Variants in PTPRG observed in about 807,000 individuals in gnomAD.
PTPRG encodes receptor-type tyrosine-protein phosphatase gamma.
A neutral mutation model predicts 165.3 loss-of-function variants in PTPRG; 102 were observed. That is an observed-to-expected ratio of 0.62 (90% confidence interval 0.53 to 0.73). The LOEUF is 0.73. Among genes scored for constraint, PTPRG ranks in the 30% least tolerant of loss-of-function variants. PTPRG has a pLI of 0.00. For synonymous variants in PTPRG, 675 were observed against 669.5 expected (o/e 1.01, Z -0.13); for missense variants, 1,866 against 1,861.4 (o/e 1.00, Z -0.05).
intron 2 of PTPRG, among the ~76,000 whole-genome samples, chr3:61,807,318 G>A (rs146889646): frequency 1.1e-4 from 17 of 152,330 alleles, no homozygotes; most frequent in African/African-American, 3.6e-4. Flanking sequence ...AGACGTATAA[G>A]CAGTTGGAGA....
At position 61,850,035 on chromosome 3, in the gene PTPRG, C is replaced by T. The variant is rs574369671; in HGVS notation, c.190+101053C>T. On this transcript the variant is annotated intron_variant, in intron 2 of 29. Transcript: ENST00000474889. ...TTTCCTTGTTTCCTAACCCCAGACC[C>T]TTCTCCCCTTCTTCTCAAATAAAAG... Among the ~76,000 whole-genome samples the T allele has an allele frequency of 1.4e-4, 21 of 152,146 alleles. No individual in the cohort carries two copies. The East Asian group carries it at 3.9e-3, about 28-fold the overall frequency.
chr3:62,065,751 C>A (rs975803200), intron 4 of PTPRG, among the ~76,000 whole-genome samples: 1 of 152,132 alleles, frequency 6.6e-6, no homozygotes, highest in East Asian at 1.9e-4. Context: ...TCCAGAAGAA[C>A]CTTTTGTAAG....
chr3:61,901,220 T>C (rs1358741675), intron 2 of PTPRG, among the ~76,000 whole-genome samples: 1 of 152,264 alleles, frequency 6.6e-6, no homozygotes, highest in Non-Finnish European at 1.5e-5. Flanking sequence ...TATATTTTGC[T>C]ACCATGTCTG....
intron 5 of PTPRG, among the ~76,000 whole-genome samples, chr3:62,130,164 G>A (rs1248698991): frequency 1.3e-5 from 2 of 152,172 alleles, no homozygotes; most frequent in African/African-American, 4.8e-5. Flanking sequence ...AGGCTGGATG[G>A]TCTCAAATGG....
Position 61,796,494 on chromosome 3 carries a change from G to T in PTPRG, c.190+47512G>T, listed in dbSNP as rs142399053. ...CTGAGTGGGCAGAACTTGGTTCCTT[G>T]AGACAGCAGCTGCCTAGGAAGGACA... On this transcript the variant is annotated intron_variant, in intron 2 of 29. Transcript: ENST00000474889. Among the ~76,000 whole-genome samples, 240 of 152,344 alleles carry T rather than the reference G, an allele frequency of 1.6e-3. 5 individuals carry two copies. The East Asian group carries it at 0.04, about 25-fold the overall frequency.
chr3:62,095,439 CAATG>C (rs1702079198), intron 5 of PTPRG, among the ~76,000 whole-genome samples: 1 of 152,172 alleles, frequency 6.6e-6, no homozygotes, highest in Admixed American at 6.5e-5. Context: ...CCTGCGTTCT[CAATG>C]AAAGAAGAGT....
chr3:62,269,057 C>A lies in PTPRG; in HGVS notation c.2897C>A (p.Pro966Gln). 6.3e-7 allele frequency: 1 copy of A among 1,597,674 alleles called. No homozygotes were observed. Among genetic ancestry groups the A allele is most frequent in the South Asian group, 1.1e-5 (1 of 88,964 alleles). ...KGRRKCDQYW[P>Q]TENSEEYGNI... ...CAGCGAAAATGTGATCAGTATTGGC[C>A]AACAGAGAACAGTGAGGAATATGGA... is the stretch of plus-strand genomic sequence containing the variant. The change falls in exon 20 of 30, where the codon CCA becomes CAA. Residue 966 changes from proline to glutamine, a missense_variant. Coordinates refer to ENST00000474889, the MANE Select transcript of PTPRG (RefSeq NM_002841.4).
In PTPRG at chr3:62,295,708, A is replaced by T. The variant is rs1703039251; in HGVS notation, c.*2401A>T. ...AACCAAAGTCTTCATATCCTGACCC[A>T]CTGAATTATAAGCAATTGCTACTTG... On this transcript the variant is annotated 3_prime_UTR_variant, in exon 30 of 30. Transcript: ENST00000474889. 6.6e-6 allele frequency: 1 copy of T among 152,120 alleles called. No homozygotes were observed. Among genetic ancestry groups the T allele is most frequent in the Admixed American group, 6.6e-5 (1 of 15,244 alleles). The allele number at this position is 152,120 out of a possible 1,614,324, so 9.4% of individuals were successfully genotyped here. A position where few individuals can be genotyped will look rare whatever the true frequency, so the allele number is the denominator to read the frequency against.
At position 62,269,114 on chromosome 3, in the gene PTPRG, T is replaced by C; in HGVS notation, c.2954T>C (p.Ile985Thr). The C allele has an allele frequency of 1.9e-6, 3 of 1,609,094 alleles. No individual in the cohort carries two copies. Among genetic ancestry groups the C allele is most frequent in the Non-Finnish European group, 2.6e-6 (3 of 1,176,208 alleles). The change falls in exon 20 of 30, where the codon ATA becomes ACA. Residue 985 changes from isoleucine to threonine, a missense_variant. Physicochemically the swap from Ile to Thr is moderately conservative, Grantham distance 89 (BLOSUM62 -1). Transcript: ENST00000474889. ...ATTGTCACGCTGAAGAGCACAAAAA[T>C]ACATGCCTGCTACACTGTTCGTCGT... ...NIIVTLKSTKIHACYTVRRFS... is the reference protein window; with the variant it reads ...NIIVTLKSTKTHACYTVRRFS...
intron 4 of PTPRG, among the ~76,000 whole-genome samples, chr3:62,062,811 T>C (rs113926773): frequency 8.7e-4 from 132 of 152,208 alleles, no homozygotes; most frequent in Middle Eastern, 3.4e-3. Context: ...CACAGGCATG[T>C]GCCACCATGC....
Position 62,121,003 on chromosome 3 carries a change from G to T in PTPRG, c.616-11599G>T, listed in dbSNP as rs373458789. ...TCTGTCGCCCAGGCTGGAGTGCAGTGGCCCTATCTCGGCTCACTGCAAGCT... is the reference window on the plus strand; with the variant it reads ...TCTGTCGCCCAGGCTGGAGTGCAGTTGCCCTATCTCGGCTCACTGCAAGCT... On this transcript the variant is annotated intron_variant, in intron 5 of 29. Transcript: ENST00000474889. 3.8e-4 allele frequency among the ~76,000 whole-genome samples: 57 copies of T among 151,934 alleles called. No homozygotes were observed. The East Asian group carries it at 0.011, about 30-fold the overall frequency.
chr3:62,123,758 A>ATTT (rs1465867062), intron 5 of PTPRG, among the ~76,000 whole-genome samples: 1 of 152,152 alleles, frequency 6.6e-6, no homozygotes, highest in African/African-American at 2.4e-5. Context: ...ATTTATATAT[A>ATTT]AATATATACA....
intron 1 of PTPRG, among the ~76,000 whole-genome samples, chr3:61,747,774 C>T (rs2033268022): frequency 1.3e-5 from 2 of 152,240 alleles, no homozygotes; most frequent in Non-Finnish European, 2.9e-5. Flanking sequence ...TATACAGCTT[C>T]CCAAAACTTT....
intron 2 of PTPRG, among the ~76,000 whole-genome samples, chr3:61,764,703 T>C (rs1379369544): frequency 6.6e-6 from 1 of 152,184 alleles, no homozygotes; most frequent in Non-Finnish European, 1.5e-5. Flanking sequence ...AAAGGTTCAA[T>C]GTTATACCTT....
intron 2 of PTPRG, among the ~76,000 whole-genome samples, chr3:61,969,157 G>A (rs1348846375): frequency 6.6e-6 from 1 of 152,156 alleles, no homozygotes; most frequent in Non-Finnish European, 1.5e-5. Context: ...CCAACTGCCT[G>A]GCTCAATGAG....
intron 2 of PTPRG, among the ~76,000 whole-genome samples, chr3:61,977,774 G>A (rs115749060): frequency 6.6e-6 from 1 of 152,238 alleles, no homozygotes; most frequent in African/African-American, 2.4e-5. Flanking sequence ...ATGTTATAGT[G>A]TCTTAAATAT....
rs1208515042 is a variant in PTPRG, at chr3:61,738,271, T to TACACAC, written c.86-10606_86-10605insCACACA. On this transcript the variant is annotated intron_variant, in intron 1 of 29. Transcript: ENST00000474889. Reference sequence around the variant, plus strand: ...CTTTGTCCATTTTTATATATATATATATATATACATATATATATATATATA... The same window carrying TACACAC: ...CTTTGTCCATTTTTATATATATATATACACACATATATACATATATATATATATATA... Among the ~76,000 whole-genome samples, 35 of 66,724 alleles carry TACACAC rather than the reference T, an allele frequency of 5.2e-4. 1 individual carries two copies. The highest frequency in any genetic ancestry group is 1.7e-3 in the South Asian group (3 of 1,810). The allele number at this position is 66,724 out of a possible 152,430, so 43.8% of individuals were successfully genotyped here. A position where few individuals can be genotyped will look rare whatever the true frequency, so the allele number is the denominator to read the frequency against.
At chr3:62,244,208 T>C (rs1165342458) in intron 15 of PTPRG, among the ~76,000 whole-genome samples, 1 of 152,224 alleles carries the variant, frequency 6.6e-6, no homozygotes, top group Admixed American at 6.5e-5. Context: ...TTTTTAAAGG[T>C]GATATTTTTC....
intron 4 of PTPRG, among the ~76,000 whole-genome samples, chr3:62,010,165 C>A (rs75966033): frequency 1.3e-5 from 2 of 152,100 alleles, no homozygotes; most frequent in African/African-American, 4.8e-5. Flanking sequence ...GCAGTCCTCC[C>A]TCTTCGCCCT....
Sources: gnomAD v4.1 joint callset for allele counts (sites outside exome capture counted in the v4.1 genomes callset) on GRCh38, gnomAD v4.1.1 for gene constraint, MANE v1.5 for transcripts, NCBI Gene and HGNC (gene_info 2026-07-23, HGNC 2026-07-21) for gene names.